Variants in ZNF365 observed in about 807,000 individuals in gnomAD.
The protein encoded by ZNF365 is protein ZNF365.
In ZNF365, 22 loss-of-function variants were observed where a neutral mutation model predicts 35.0. The observed-to-expected ratio is 0.63, with a 90% CI of 0.45 to 0.90. The LOEUF (loss-of-function observed/expected upper bound fraction) is 0.90, where lower values mean the gene tolerates loss of function less well. ZNF365 is among the 40% of genes least tolerant of loss of function. The pLI, the probability that ZNF365 is intolerant of heterozygous loss-of-function variation, is 0.00. For missense variants in ZNF365, 448 were observed against 500.3 expected (o/e 0.90, Z 1.00); for synonymous variants, 188 against 196.2 (o/e 0.96, Z 0.35).
chr10:62,472,277 C>T lies in ZNF365; in HGVS notation c.982-7599C>T, dbSNP rs117604642. Among the ~76,000 whole-genome samples the T allele has an allele frequency of 9.8e-3, 1,499 of 152,326 alleles. 11 individuals carry two copies. The highest frequency in any genetic ancestry group is 0.017 in the Middle Eastern group (5 of 292). ...GCCTCACAATGGCCTCCTGTCAATACTGTGTTGATGGAATAAATCTCCAGA... is the reference window on the plus strand; with the variant it reads ...GCCTCACAATGGCCTCCTGTCAATATTGTGTTGATGGAATAAATCTCCAGA... On this transcript the variant is annotated intron_variant, in intron 4 of 4. Transcript: ENST00000395255.
At chr10:62,452,436 C>T (rs1175901698) in intron 3 of ZNF365, among the ~76,000 whole-genome samples, 2 of 152,182 alleles carry the variant, frequency 1.3e-5, no homozygotes, top group Admixed American at 1.3e-4. Context: ...AGATCGTGTT[C>T]TCTAGAATCT....
intron 3 of ZNF365, among the ~76,000 whole-genome samples, chr10:62,398,212 C>G (rs112387478): frequency 1.3e-5 from 2 of 152,252 alleles, no homozygotes; most frequent in African/African-American, 4.8e-5. Flanking sequence ...GCCCATCAAC[C>G]AACGAGTGGA....
intron 3 of ZNF365, among the ~76,000 whole-genome samples, chr10:62,447,645 C>CA (rs1460017723): frequency 6.6e-6 from 1 of 152,214 alleles, no homozygotes; most frequent in African/African-American, 2.4e-5. Flanking sequence ...CAAAGAGTCA[C>CA]ATGCGGTGGC....
At chr10:62,393,761 A>G (rs543553704) in intron 3 of ZNF365, among the ~76,000 whole-genome samples, 9 of 152,214 alleles carry the variant, frequency 5.9e-5, no homozygotes, top group Non-Finnish European at 1.3e-4. Context: ...TGAAGGAAAA[A>G]TTGACTAATT....
intron 4 of ZNF365, among the ~76,000 whole-genome samples, chr10:62,399,137 A>G (rs1839780483): frequency 6.6e-6 from 1 of 152,218 alleles, no homozygotes; most frequent in South Asian, 2.1e-4. Context: ...TGGCAGTCAT[A>G]TGCTTTACAA....
intron 3 of ZNF365, among the ~76,000 whole-genome samples, chr10:62,449,094 C>T: frequency 6.6e-6 from 1 of 152,274 alleles, no homozygotes; most frequent in East Asian, 1.9e-4. Flanking sequence ...GAGAGGAAAG[C>T]TTTCAATTAT....
At chr10:62,396,462 T>C (rs1839729869) in intron 3 of ZNF365, among the ~76,000 whole-genome samples, 1 of 152,228 alleles carries the variant, frequency 6.6e-6, no homozygotes, top group South Asian at 2.1e-4. Flanking sequence ...CTGCCTGTTC[T>C]GTGGTCAGTT....
chr10:62,463,308 A>T (rs1221565310), intron 4 of ZNF365, among the ~76,000 whole-genome samples: 2 of 152,200 alleles, frequency 1.3e-5, no homozygotes, highest in Admixed American at 6.5e-5. Flanking sequence ...CCAAAAGATT[A>T]TACTTAATGC....
chr10:62,439,900 A>G (rs944220227), intron 3 of ZNF365, among the ~76,000 whole-genome samples: 58 of 152,336 alleles, frequency 3.8e-4, no homozygotes, highest in African/African-American at 5.3e-4. Flanking sequence ...TAATTTTGAT[A>G]CTTCTTAGAA....
intron 3 of ZNF365, among the ~76,000 whole-genome samples, chr10:62,392,996 G>A (rs1167275797): frequency 2.6e-5 from 4 of 151,532 alleles, no homozygotes; most frequent in African/African-American, 9.7e-5. Context: ...TATTCAATAA[G>A]CTTTTTTTCT....
chr10:62,474,240 A>T (rs10761636), intron 4 of ZNF365, among the ~76,000 whole-genome samples: 1 of 152,004 alleles, frequency 6.6e-6, no homozygotes, highest in Admixed American at 6.5e-5. Flanking sequence ...AGATATGGCC[A>T]TCCAGAGCAG....
At chr10:62,464,109 T>G (rs1840892446) in intron 4 of ZNF365, among the ~76,000 whole-genome samples, 3 of 152,150 alleles carry the variant, frequency 2.0e-5, no homozygotes, top group African/African-American at 7.2e-5. Flanking sequence ...ACTTAAGAGA[T>G]AAATACATGT....
intron 4 of ZNF365, among the ~76,000 whole-genome samples, chr10:62,478,069 G>T (rs935481978): frequency 6.6e-6 from 1 of 152,122 alleles, no homozygotes; most frequent in Non-Finnish European, 1.5e-5. Flanking sequence ...CAGTAATTTG[G>T]ACTTCACCTT....
At chr10:62,405,465 C>A (rs573973731), downstream of ZNF365, among the ~76,000 whole-genome samples, 125 of 152,300 alleles carry the variant, frequency 8.2e-4, 3 homozygotes, top group South Asian at 0.025. Flanking sequence ...TTCTACATCT[C>A]AGCCAATGCT....
chr10:62,408,884 A>G (rs893057274), intron 3 of ZNF365, among the ~76,000 whole-genome samples: 6 of 152,104 alleles, frequency 3.9e-5, no homozygotes, highest in South Asian at 2.1e-4. Context: ...TTAGCGTCCT[A>G]TGTTTTTATT....
chr10:62,469,885 G>A (rs1445656757), intron 4 of ZNF365, among the ~76,000 whole-genome samples: 2 of 152,104 alleles, frequency 1.3e-5, no homozygotes, highest in Admixed American at 6.5e-5. Context: ...GCCAGAACTG[G>A]AAATGATATC....
chr10:62,440,687 A>T (rs1222366123), intron 3 of ZNF365, among the ~76,000 whole-genome samples: 1 of 152,172 alleles, frequency 6.6e-6, no homozygotes, highest in Non-Finnish European at 1.5e-5. Flanking sequence ...GTGTTTGTAA[A>T]AGTGTCATCT....
At chr10:62,432,373 C>A (rs1236093372) in intron 3 of ZNF365, among the ~76,000 whole-genome samples, 2 of 152,190 alleles carry the variant, frequency 1.3e-5, no homozygotes, top group African/African-American at 4.8e-5. Context: ...TTTGTTAATT[C>A]AACCCTGAAT....
chr10:62,458,207 C>T (rs1840791428), intron 3 of ZNF365, among the ~76,000 whole-genome samples: 1 of 152,160 alleles, frequency 6.6e-6, no homozygotes, highest in Non-Finnish European at 1.5e-5. Context: ...CGTGAAGATT[C>T]CCCAAGGCTT....
Sources: allele counts gnomAD v4.1 joint callset (sites outside exome capture counted in the v4.1 genomes callset), GRCh38; gene constraint gnomAD v4.1.1; transcripts MANE v1.5; gene names NCBI Gene and HGNC (gene_info 2026-07-23, HGNC 2026-07-21).